CUL3: variants seen among roughly 807,000 people sequenced by gnomAD.
The protein encoded by CUL3 is cullin-3.
CUL3 carries 19 observed loss-of-function variants against 89.1 expected under a neutral mutation model. That is an observed-to-expected ratio of 0.21 (90% CI 0.15 to 0.31). The LOEUF is 0.31. Ranked by LOEUF, CUL3 falls within the 10% of genes least tolerant of loss-of-function variation. CUL3 has a pLI of 1.00. For missense variants in CUL3, 469 were observed against 942.3 expected, an observed-to-expected ratio of 0.50 and a Z score of 6.58; for synonymous variants, 351 against 308.4, an observed-to-expected ratio of 1.14 and a Z score of -1.45.
intron 14 of CUL3, chr2:224,479,264 G>T (rs552758464): frequency 6.6e-6 from 1 of 151,904 alleles, no homozygotes; most frequent in East Asian, 1.9e-4. Flanking sequence ...TCTGGTGTGC[G>T]TATCCATTCA....
chr2:224,477,406 T>C (rs1354192060), intron 15 of CUL3, among the ~76,000 whole-genome samples: 1 of 152,224 alleles, frequency 6.6e-6, no homozygotes. Flanking sequence ...GTCTATCCCA[T>C]AGTTCTTTCT....
chr2:224,518,938 T>C (rs1472383209), intron 3 of CUL3, among the ~76,000 whole-genome samples: 4 of 152,186 alleles, frequency 2.6e-5, no homozygotes, highest in Non-Finnish European at 5.9e-5. Flanking sequence ...TTAAGCCCTC[T>C]GGCAAAAAGG....
At chr2:224,478,736 C>CA (rs1287552010) in intron 14 of CUL3, 1 of 167,808 alleles carries the variant, frequency 6.0e-6, no homozygotes, top group Admixed American at 6.0e-5. Context: ...AAAATTATCT[C>CA]AGATAGGTAT....
chr2:224,534,767 G>T (rs1311978565), intron 3 of CUL3, among the ~76,000 whole-genome samples: 2 of 152,056 alleles, frequency 1.3e-5, no homozygotes, highest in South Asian at 4.2e-4. Context: ...CAGATCACCA[G>T]GTCAGGAGAT....
intron 1 of CUL3, among the ~76,000 whole-genome samples, chr2:224,574,825 G>A (rs952972490): frequency 3.3e-5 from 5 of 152,190 alleles, no homozygotes; most frequent in African/African-American, 9.6e-5. Flanking sequence ...ATCTTAAAGA[G>A]GAGGAAACAA....
In CUL3 at chr2:224,562,508, C is replaced by T. The variant is rs140121372; in HGVS notation, c.67-4652G>A. ...CAAAAAATAGCCGGATGTGGTGGTG[C>T]GTGCCTGTAATCCCAGCTACAGGGG... is the stretch of plus-strand genomic sequence containing the variant. On this transcript the variant is annotated intron_variant, in intron 1 of 15. Coordinates refer to ENST00000264414, the MANE Select transcript of CUL3 (RefSeq NM_003590.5). 1.2e-3 allele frequency among the ~76,000 whole-genome samples: 187 copies of T among 151,920 alleles called. 1 individual carries two copies. The highest frequency in any genetic ancestry group is 1.3e-3 in the Non-Finnish European group (87 of 67,936).
intron 1 of CUL3, among the ~76,000 whole-genome samples, chr2:224,572,456 G>C (rs1420632606): frequency 9.3e-5 from 14 of 151,008 alleles, no homozygotes; most frequent in Non-Finnish European, 2.1e-4. Flanking sequence ...ACCAGCCTGG[G>C]CAACACAGTG....
Position 224,514,555 on chromosome 2 carries a change from G to A in CUL3, c.539+57C>T, listed in dbSNP as rs572501195. ...TTTAATAAAACTAAGACAGTGAATC[G>A]TTCTCAAGATATAATCACTAAAACC... is the stretch of plus-strand genomic sequence containing the variant. On this transcript the variant is annotated intron_variant, in intron 4 of 15. Coordinates refer to ENST00000264414, the MANE Select transcript of CUL3 (RefSeq NM_003590.5). 54 of 1,388,828 alleles carry A rather than the reference G, an allele frequency of 3.9e-5. No individual in the cohort carries two copies. In the East Asian group the frequency reaches 9.0e-4, roughly 23 times the overall value. The allele number at this position is 1,388,828 out of a possible 1,614,324, so 86.0% of individuals were successfully genotyped here. A position where few individuals can be genotyped will look rare whatever the true frequency, so the allele number is the denominator to read the frequency against.
rs1444401625 is a variant in CUL3, at chr2:224,470,685, C to T, written c.*3560G>A. 4.3e-6 allele frequency: 1 copy of T among 231,698 alleles called. No homozygotes were observed. Among genetic ancestry groups the T allele is most frequent in the Non-Finnish European group, 8.5e-6 (1 of 117,150 alleles). 14.4% of individuals were successfully genotyped at this position (231,698 alleles called of 1,614,324 possible). ...GCGCCTATTTTCTTTTCAATGGACA[C>T]ATTCCAGAATAGCAGCAATCACCTT... is the stretch of plus-strand genomic sequence containing the variant. On this transcript the variant is annotated 3_prime_UTR_variant, in exon 16 of 16. Transcript: ENST00000264414.
chr2:224,509,720 C>T (rs994315680), intron 6 of CUL3, among the ~76,000 whole-genome samples: 4 of 152,172 alleles, frequency 2.6e-5, no homozygotes, highest in East Asian at 1.9e-4. Context: ...TTCAGGTATG[C>T]CCAACAACCT....
chr2:224,537,954 AT>A (rs1457937849), intron 2 of CUL3, among the ~76,000 whole-genome samples: 14 of 147,782 alleles, frequency 9.5e-5, no homozygotes, highest in African/African-American at 3.8e-4. Flanking sequence ...ATAAAAAAAT[AT>A]ATCAAGTATT....
Position 224,511,345 on chromosome 2 carries a change from A to AAC in CUL3, c.883+7_883+8dup. 1.3e-6 allele frequency: 2 copies of AAC among 1,557,258 alleles called. No individual in the cohort carries two copies. The highest frequency in any genetic ancestry group is 8.8e-7 in the Non-Finnish European group (1 of 1,139,806). On this transcript the variant is annotated intron_variant, in intron 6 of 15. Transcript: ENST00000264414. Reference sequence around the variant, plus strand: ...AGGATTTAATTATTTTTCAATCGGTAACACTTACCTTCTGTCTTTCCATTT... The same window carrying AAC: ...AGGATTTAATTATTTTTCAATCGGTAACACACTTACCTTCTGTCTTTCCATTT...
At chr2:224,500,270 T>C (rs1559348388) in intron 11 of CUL3, 93 bp downstream of exon 11, 4 of 1,417,954 alleles carry the variant, frequency 2.8e-6, no homozygotes, top group African/African-American at 1.4e-5. Context: ...ATGGAATACA[T>C]TCATCCTCAA....
chr2:224,555,790 C>T (rs1328466940), intron 2 of CUL3, among the ~76,000 whole-genome samples: 2 of 152,148 alleles, frequency 1.3e-5, no homozygotes, highest in African/African-American at 2.4e-5. Flanking sequence ...TCATTCTTTC[C>T]CATAAAATCT....
chr2:224,568,725 A>T (rs964379530), intron 1 of CUL3, among the ~76,000 whole-genome samples: 1 of 152,216 alleles, frequency 6.6e-6, no homozygotes, highest in Non-Finnish European at 1.5e-5. Context: ...TAACTGGGAA[A>T]AAAAGGGTAG....
At chr2:224,582,623 A>G (rs1449787596) in intron 1 of CUL3, among the ~76,000 whole-genome samples, 1 of 152,246 alleles carries the variant, frequency 6.6e-6, no homozygotes, top group Non-Finnish European at 1.5e-5. Flanking sequence ...AGTTATAGAC[A>G]GAATGGATCC....
At chr2:224,474,483 G>T in intron 15 of CUL3, 107 bp from the exon 16 acceptor site, 1 of 868,252 alleles carries the variant, frequency 1.2e-6, no homozygotes, top group Non-Finnish European at 1.7e-6. Context: ...TTTACTAACT[G>T]GATTACCAAA....
intron 2 of CUL3, among the ~76,000 whole-genome samples, chr2:224,551,513 T>A (rs1694517253): frequency 1.3e-5 from 2 of 151,618 alleles, no homozygotes; most frequent in Admixed American, 1.3e-4. Context: ...TCAATTTTTT[T>A]TTTTTTTTTT....
rs538305573 is a variant in CUL3 at position 224,526,915 on chromosome 2, A to T, written c.378+8613T>A. Among the ~76,000 whole-genome samples the T allele has an allele frequency of 3.8e-4, 58 of 152,318 alleles. No homozygotes were observed. The East Asian group carries it at 8.1e-3, about 21-fold the overall frequency. ...TTTAAGTAGCAAGAAAAATAAAATTAAAAAGCAGCAGGAATTTAAGGAAGG... is the reference window on the plus strand; with the variant it reads ...TTTAAGTAGCAAGAAAAATAAAATTTAAAAGCAGCAGGAATTTAAGGAAGG... On this transcript the variant is annotated intron_variant, in intron 3 of 15. Transcript: ENST00000264414.
Sources: gnomAD v4.1 joint callset for allele counts (sites outside exome capture counted in the v4.1 genomes callset) on GRCh38, gnomAD v4.1.1 for gene constraint, MANE v1.5 for transcripts, NCBI Gene and HGNC (gene_info 2026-07-23, HGNC 2026-07-21) for gene names.